TMTC2: variants seen among roughly 807,000 people sequenced by gnomAD.
The protein encoded by TMTC2 is protein O-mannosyl-transferase TMTC2.
A neutral mutation model predicts 82.4 loss-of-function variants in TMTC2; 43 were observed. The ratio of observed to expected loss-of-function variants is 0.52; its 90% CI spans 0.41 to 0.67. TMTC2 has a LOEUF of 0.67. Among genes scored for constraint, TMTC2 ranks in the 30% least tolerant of loss-of-function variants. The pLI, the probability that TMTC2 is intolerant of heterozygous loss-of-function variation, is 0.00. For synonymous variants in TMTC2, 408 were observed against 381.9 expected, an observed-to-expected ratio of 1.07 and a Z score of -0.80; for missense variants, 919 against 1,012.4, an observed-to-expected ratio of 0.91 and a Z score of 1.25.
chr12:82,921,058 C>T (rs2019384), intron 3 of TMTC2, among the ~76,000 whole-genome samples: 28,696 of 151,818 alleles, frequency 0.19, 2,785 homozygotes, highest in Middle Eastern at 0.28. Flanking sequence ...ATATGGATAC[C>T]AGATAGTTTT....
At chr12:83,018,961 A>T (rs1880797761) in intron 8 of TMTC2, among the ~76,000 whole-genome samples, 1 of 152,204 alleles carries the variant, frequency 6.6e-6, no homozygotes, top group Non-Finnish European at 1.5e-5. Context: ...AGCAAAAGAG[A>T]TTACAAATGG....
chr12:83,000,356 G>A (rs560078557), intron 8 of TMTC2, among the ~76,000 whole-genome samples: 66 of 152,202 alleles, frequency 4.3e-4, no homozygotes, highest in African/African-American at 1.4e-3. Flanking sequence ...GGATGGTCTC[G>A]ATCTCCTGAG....
At chr12:82,820,066 T>C (rs746823050) in intron 1 of TMTC2, among the ~76,000 whole-genome samples, 2 of 152,184 alleles carry the variant, frequency 1.3e-5, no homozygotes, top group Non-Finnish European at 2.9e-5. Flanking sequence ...TGGAGTCCGA[T>C]GTTCTACGGC....
intron 3 of TMTC2, among the ~76,000 whole-genome samples, chr12:82,922,368 TA>T (rs1045119763): frequency 1.2e-4 from 18 of 152,006 alleles, no homozygotes; most frequent in Non-Finnish European, 2.1e-4. Flanking sequence ...ATTATCTTTC[TA>T]AAAAAAAGGT....
At position 82,896,299 on chromosome 12, in the gene TMTC2, AC is replaced by A; in HGVS notation, c.1137del (p.Asn379LysfsTer23). 1 of 1,614,124 alleles carries A rather than the reference AC, an allele frequency of 6.2e-7. No individual in the cohort carries two copies. Among genetic ancestry groups the A allele is most frequent in the Non-Finnish European group, 8.5e-7 (1 of 1,180,032 alleles). ...FASKVENGIK[N>X]DVSQRTQLPS... The stretch of plus-strand genomic sequence containing the variant: ...TCCAAAGTAGAAAATGGCATTAAAA[AC>A]GATGTATCACAGAGAACCCAGCTTC... On this transcript the variant is annotated frameshift_variant, in exon 3 of 12. Transcript: ENST00000321196. LOFTEE classifies it high-confidence loss of function.
chr12:82,697,509 A>G lies in TMTC2; in HGVS notation c.83+9840A>G, dbSNP rs573298817. 2.1e-3 allele frequency among the ~76,000 whole-genome samples: 315 copies of G among 152,306 alleles called. 5 individuals carry two copies. The highest frequency in any genetic ancestry group is 6.8e-3 in the Middle Eastern group (2 of 294). ...ATTCCTGGATTAAAAATGGTTGAGT[A>G]TAAGGTGTGCTTGTTATGGATATGA... On this transcript the variant is annotated intron_variant, in intron 1 of 11. Coordinates refer to ENST00000321196, the MANE Select transcript of TMTC2 (RefSeq NM_152588.3).
intron 3 of TMTC2, among the ~76,000 whole-genome samples, chr12:82,920,826 T>G (rs1875348476): frequency 6.6e-6 from 1 of 152,218 alleles, no homozygotes; most frequent in African/African-American, 2.4e-5. Flanking sequence ...CTCTGTCACA[T>G]GTAAAGTATC....
intron 1 of TMTC2, among the ~76,000 whole-genome samples, chr12:82,845,337 G>C (rs1222805518): frequency 6.8e-6 from 1 of 147,330 alleles, no homozygotes; most frequent in Admixed American, 6.8e-5. Context: ...TTATTGTAGG[G>C]GAAACATAGT....
At chr12:82,937,773 T>TAC (rs1847918336) in intron 4 of TMTC2, among the ~76,000 whole-genome samples, 29 of 24,524 alleles carry the variant, frequency 1.2e-3, no homozygotes, top group Non-Finnish European at 2.3e-3. Context: ...TATATATATA[T>TAC]ATATATATAT....
In TMTC2 at chr12:82,918,406, A is replaced by T. The variant is rs934379903; in HGVS notation, c.1484-12025A>T. On this transcript the variant is annotated intron_variant, in intron 3 of 11. Transcript: ENST00000321196. ...AGCGTTGGTGGAAGCAAAATTTAGG[A>T]TTTATCCCCTTTTTAATGCAGTTAA... 2.0e-5 allele frequency among the ~76,000 whole-genome samples: 3 copies of T among 152,154 alleles called. 1 individual carries two copies. Among genetic ancestry groups the T allele is most frequent in the African/African-American group, 7.2e-5 (3 of 41,442 alleles).
chr12:83,111,426 C>T (rs1181390512), intron 11 of TMTC2, among the ~76,000 whole-genome samples: 2 of 152,170 alleles, frequency 1.3e-5, no homozygotes, highest in Admixed American at 6.5e-5. Context: ...GGTTATGTTC[C>T]AATCTTTATG....
intron 11 of TMTC2, among the ~76,000 whole-genome samples, chr12:83,127,903 G>C (rs1478462468): frequency 6.6e-6 from 1 of 152,042 alleles, no homozygotes; most frequent in Non-Finnish European, 1.5e-5. Flanking sequence ...AATCCCTAGC[G>C]ACTTAAAAAA....
chr12:82,889,567 A>G (rs1215828132), intron 2 of TMTC2, among the ~76,000 whole-genome samples: 2 of 152,156 alleles, frequency 1.3e-5, no homozygotes, highest in Non-Finnish European at 2.9e-5. Flanking sequence ...CTACACTTAA[A>G]TAAAAAATAA....
At chr12:82,725,557 T>C (rs1011138275) in intron 1 of TMTC2, among the ~76,000 whole-genome samples, 2 of 152,162 alleles carry the variant, frequency 1.3e-5, no homozygotes, top group Non-Finnish European at 2.9e-5. Context: ...GTAAAATATT[T>C]GGAGAGATTT....
At chr12:82,910,832 C>T (rs1006064269) in intron 3 of TMTC2, among the ~76,000 whole-genome samples, 5 of 152,008 alleles carry the variant, frequency 3.3e-5, no homozygotes, top group Non-Finnish European at 4.4e-5. Flanking sequence ...CATCCAGCAG[C>T]AGCTTCTGTG....
chr12:82,802,062 G>A (rs1368504687), intron 1 of TMTC2, among the ~76,000 whole-genome samples: 2 of 152,074 alleles, frequency 1.3e-5, no homozygotes, highest in Non-Finnish European at 2.9e-5. Context: ...TTGGGTGGTC[G>A]ATGGAACTGG....
rs565443954 is a variant in TMTC2, at chr12:83,133,859, G to C, written c.*1470G>C. The C allele has an allele frequency of 6.6e-6, 1 of 152,186 alleles. No homozygotes were observed. Among genetic ancestry groups the C allele is most frequent in the African/African-American group, 2.4e-5 (1 of 41,544 alleles). 9.4% of individuals were successfully genotyped at this position (152,186 alleles called of 1,614,324 possible). ...CTACTATAGCAGAATAACAAAACTT[G>C]ATGCATTAAGCCAGTTCTTTGCAAC... is the stretch of plus-strand genomic sequence containing the variant. On this transcript the variant is annotated 3_prime_UTR_variant, in exon 12 of 12. Coordinates refer to ENST00000321196, the MANE Select transcript of TMTC2 (RefSeq NM_152588.3).
At chr12:82,975,079 G>A (rs183934312) in intron 7 of TMTC2, among the ~76,000 whole-genome samples, 20 of 152,230 alleles carry the variant, frequency 1.3e-4, no homozygotes, top group Admixed American at 1.3e-3. Flanking sequence ...AGAACAGGAG[G>A]AGTTCAGAAA....
chr12:83,040,918 T>A (rs938794023), intron 9 of TMTC2, among the ~76,000 whole-genome samples: 2 of 152,054 alleles, frequency 1.3e-5, no homozygotes, highest in Non-Finnish European at 1.5e-5. Flanking sequence ...TCTCTTGACC[T>A]CGTGATCTGC....
Sources: gnomAD v4.1 joint callset for allele counts (sites outside exome capture counted in the v4.1 genomes callset) on GRCh38, gnomAD v4.1.1 for gene constraint, MANE v1.5 for transcripts, NCBI Gene and HGNC (gene_info 2026-07-23, HGNC 2026-07-21) for gene names.